The following AGO2 variants were observed in gnomAD, a reference collection of about 807,000 sequenced individuals.
AGO2 encodes protein argonaute-2.
AGO2 carries 5 observed loss-of-function variants against 102.3 expected under a neutral mutation model. The observed-to-expected ratio is 0.05, with a 90% confidence interval of 0.03 to 0.10. The LOEUF (loss-of-function observed/expected upper bound fraction) is 0.10, where lower values mean the gene tolerates loss of function less well. Ranked by LOEUF, AGO2 falls within the 10% of genes least tolerant of loss-of-function variation. AGO2 has a pLI of 1.00. For synonymous variants in AGO2, 449 were observed against 473.1 expected (o/e 0.95, Z 0.66); for missense variants, 541 against 1,183.7 (o/e 0.46, Z 7.97).
intron 14 of AGO2, among the ~76,000 whole-genome samples, chr8:140,542,849 C>T (rs886429403): frequency 2.0e-5 from 3 of 152,190 alleles, no homozygotes; most frequent in Admixed American, 2.0e-4. Flanking sequence ...CTGAAAATGG[C>T]TCAGCATGGC....
intron 1 of AGO2, among the ~76,000 whole-genome samples, chr8:140,624,680 G>A (rs925002544): frequency 3.4e-4 from 52 of 152,244 alleles, no homozygotes; most frequent in Admixed American, 2.0e-3. Flanking sequence ...CTCTGGCACC[G>A]TGTGCTCCCC....
At chr8:140,593,736 G>A (rs1588487846) in intron 1 of AGO2, among the ~76,000 whole-genome samples, 1 of 151,948 alleles carries the variant, frequency 6.6e-6, no homozygotes, top group Admixed American at 6.6e-5. Flanking sequence ...AGGCAAATCA[G>A]CTCCTTTAAT....
At chr8:140,581,318 C>G (rs544366510) in intron 2 of AGO2, among the ~76,000 whole-genome samples, 1 of 152,214 alleles carries the variant, frequency 6.6e-6, no homozygotes, top group Non-Finnish European at 1.5e-5. Flanking sequence ...AGTTTGAGAC[C>G]AGCCTGAGCA....
chr8:140,600,603 C>T (rs1396160740), intron 1 of AGO2, among the ~76,000 whole-genome samples: 1 of 151,928 alleles, frequency 6.6e-6, no homozygotes, highest in East Asian at 1.9e-4. Flanking sequence ...TTGCTTGAAC[C>T]TGGGAGGCAG....
intron 1 of AGO2, among the ~76,000 whole-genome samples, chr8:140,631,573 T>C (rs2074342909): frequency 6.6e-6 from 1 of 150,968 alleles, no homozygotes; most frequent in Non-Finnish European, 1.5e-5. Flanking sequence ...GACGTAAATA[T>C]AACAAGTCAA....
intron 10 of AGO2, 179 bp downstream of exon 10, chr8:140,555,717 G>C (rs987764884): frequency 2.3e-6 from 2 of 880,698 alleles, no homozygotes; most frequent in African/African-American, 1.7e-5. Context: ...CTTTAAAAAG[G>C]ACCAAGGAAA....
chr8:140,561,456 C>T (rs1184203108), intron 4 of AGO2, among the ~76,000 whole-genome samples: 1 of 152,238 alleles, frequency 6.6e-6, no homozygotes, highest in East Asian at 1.9e-4. Context: ...GAATCACAGT[C>T]ATTTCTGCAA....
intron 16 of AGO2, among the ~76,000 whole-genome samples, chr8:140,536,363 G>A (rs1210468541): frequency 8.1e-6 from 1 of 123,146 alleles, no homozygotes; most frequent in Non-Finnish European, 1.7e-5. Flanking sequence ...GTCTTGCTTT[G>A]CCACCCAGGC....
chr8:140,535,568 A>G lies in AGO2; in HGVS notation c.2171T>C (p.Val724Ala). ...TGCTGGAATGTTTCCACTTTTCCCA[A>G]CCTTCGGCAACACAGGCATCTCGTT... ...RLFCTDKNER[V>A]GKSGNIPAGT... The change falls in exon 17 of 19, where the codon GTT (valine) becomes GCT (alanine). Residue 724 changes from valine to alanine, a missense_variant and splice_region_variant. By Grantham distance (64) the Val-to-Ala change is moderately conservative. Transcript: ENST00000220592. The G allele has an allele frequency of 1.2e-6, 2 of 1,614,056 alleles. No individual in the cohort carries two copies. Among genetic ancestry groups the G allele is most frequent in the Admixed American group, 1.7e-5 (1 of 60,032 alleles).
intron 13 of AGO2, among the ~76,000 whole-genome samples, chr8:140,546,393 C>T (rs1396800836): frequency 6.6e-6 from 1 of 152,244 alleles, no homozygotes; most frequent in Non-Finnish European, 1.5e-5. Context: ...ATCAGTCCTG[C>T]TGAGTAGGAC....
chr8:140,633,961 G>A (rs779225104), intron 1 of AGO2, among the ~76,000 whole-genome samples: 8 of 152,162 alleles, frequency 5.3e-5, no homozygotes, highest in Non-Finnish European at 8.8e-5. Context: ...CCGATAACCT[G>A]AAAAAATGTA....
chr8:140,610,666 G>C (rs1177246553), intron 1 of AGO2, among the ~76,000 whole-genome samples: 1 of 152,218 alleles, frequency 6.6e-6, no homozygotes, highest in Non-Finnish European at 1.5e-5. Flanking sequence ...GCCCAAAAGA[G>C]AACACGGGCC....
chr8:140,601,352 C>T (rs1314281254), intron 1 of AGO2, among the ~76,000 whole-genome samples: 3 of 152,236 alleles, frequency 2.0e-5, no homozygotes, highest in African/African-American at 7.2e-5. Context: ...ATGCCCCCAG[C>T]AGCCCCAGCA....
chr8:140,625,305 C>G (rs921038838), intron 1 of AGO2, among the ~76,000 whole-genome samples: 3 of 152,192 alleles, frequency 2.0e-5, no homozygotes, highest in South Asian at 4.1e-4. Flanking sequence ...GGGTTTTCAC[C>G]ACGTTAGCCA....
chr8:140,604,160 C>T (rs2073964657), intron 1 of AGO2, among the ~76,000 whole-genome samples: 1 of 152,212 alleles, frequency 6.6e-6, no homozygotes. Context: ...TTGAGGCGCA[C>T]CAGGGAAACG....
At chr8:140,615,537 T>G (rs1288084394) in intron 1 of AGO2, among the ~76,000 whole-genome samples, 1 of 152,196 alleles carries the variant, frequency 6.6e-6, no homozygotes, top group Non-Finnish European at 1.5e-5. Flanking sequence ...AGAACCAGCA[T>G]GAAGTGGGGC....
At chr8:140,620,891 C>A (rs1488068792) in intron 1 of AGO2, among the ~76,000 whole-genome samples, 3 of 152,092 alleles carry the variant, frequency 2.0e-5, no homozygotes, top group African/African-American at 7.2e-5. Flanking sequence ...TCAAAGTTTG[C>A]AAATTCAACG....
At chr8:140,603,859 C>T (rs968764942) in intron 1 of AGO2, among the ~76,000 whole-genome samples, 1 of 152,256 alleles carries the variant, frequency 6.6e-6, no homozygotes, top group African/African-American at 2.4e-5. Flanking sequence ...TGTGCCTTGC[C>T]TGGCAAATGG....
chr8:140,568,112 A>G (rs2073319166), intron 3 of AGO2, among the ~76,000 whole-genome samples: 1 of 149,778 alleles, frequency 6.7e-6, no homozygotes, highest in Non-Finnish European at 1.5e-5. Flanking sequence ...ACAAAAAAAA[A>G]AAAAAAAAAA....
Sources: allele counts gnomAD v4.1 joint callset (sites outside exome capture counted in the v4.1 genomes callset), GRCh38; gene constraint gnomAD v4.1.1; transcripts MANE v1.5; gene names NCBI Gene and HGNC (gene_info 2026-07-23, HGNC 2026-07-21).